UBE4B: variants seen among roughly 807,000 people sequenced by gnomAD.
UBE4B encodes the protein ubiquitin conjugation factor E4 B.
Under a neutral mutation model 148.1 loss-of-function variants are expected in UBE4B, and 27 were observed. The observed-to-expected ratio is 0.18, with a 90% CI of 0.13 to 0.25. The LOEUF is 0.25. UBE4B is among the 10% of genes least tolerant of loss of function. The pLI is 1.00. For synonymous variants in UBE4B, 596 were observed against 619.3 expected (o/e 0.96, Z 0.56); for missense variants, 1,170 against 1,662.4 (o/e 0.70, Z 5.15).
At chr1:10,075,083 ACT>A (rs780591036) in intron 2 of UBE4B, among the ~76,000 whole-genome samples, 1 of 152,018 alleles carries the variant, frequency 6.6e-6, no homozygotes, top group Non-Finnish European at 1.5e-5. Flanking sequence ...GGATTGGCAA[ACT>A]CTTTCTGTTA....
intron 7 of UBE4B, among the ~76,000 whole-genome samples, chr1:10,107,892 G>C (rs931611034): frequency 1.3e-5 from 2 of 152,004 alleles, no homozygotes; most frequent in African/African-American, 4.8e-5. Context: ...AATTTTCAGA[G>C]TTGTCGCCTG....
chr1:10,101,709 C>T (rs1024152397), intron 4 of UBE4B, among the ~76,000 whole-genome samples: 2 of 151,810 alleles, frequency 1.3e-5, no homozygotes, highest in Non-Finnish European at 2.9e-5. Flanking sequence ...GGGTTTTCAC[C>T]GTGTTAGCCA....
At chr1:10,179,350 G>A in intron 26 of UBE4B, 66 bp from the exon 27 acceptor site, 1 of 1,577,820 alleles carries the variant, frequency 6.3e-7, no homozygotes, top group Non-Finnish European at 8.6e-7. Flanking sequence ...GGTAGAACGG[G>A]CTTTGTTTTC....
chr1:10,119,988 C>A (rs529457959), intron 9 of UBE4B, among the ~76,000 whole-genome samples: 1 of 144,622 alleles, frequency 6.9e-6, no homozygotes, highest in Non-Finnish European at 1.5e-5. Flanking sequence ...ATGTATAACA[C>A]GGTCAATTTC....
intron 2 of UBE4B, among the ~76,000 whole-genome samples, chr1:10,079,937 A>T (rs1218308118): frequency 6.6e-6 from 1 of 152,116 alleles, no homozygotes; most frequent in African/African-American, 2.4e-5. Context: ...AGAGCTAGGG[A>T]TGCAGGATGG....
At chr1:10,110,959 G>T (rs371096292) in intron 7 of UBE4B, among the ~76,000 whole-genome samples, 38 of 151,484 alleles carry the variant, frequency 2.5e-4, no homozygotes, top group African/African-American at 9.0e-4. Context: ...TCATGCCACT[G>T]CACTCCAGCC....
chr1:10,169,960 A>G (rs1015624041), intron 24 of UBE4B, among the ~76,000 whole-genome samples: 8 of 152,334 alleles, frequency 5.3e-5, no homozygotes, highest in Admixed American at 4.6e-4. Context: ...GGTCGCAGTG[A>G]GCCGAGATCA....
intron 3 of UBE4B, among the ~76,000 whole-genome samples, chr1:10,098,750 C>G (rs1644965596): frequency 6.6e-6 from 1 of 152,166 alleles, no homozygotes; most frequent in African/African-American, 2.4e-5. Flanking sequence ...GCCTGTCTTA[C>G]TCTAACTAAT....
In UBE4B at chr1:10,033,378, G is replaced by A. The variant is rs1375740058; in HGVS notation, c.-293G>A. The A allele has an allele frequency of 9.4e-6, 3 of 317,698 alleles. No individual in the cohort carries two copies. Among genetic ancestry groups the A allele is most frequent in the Middle Eastern group, 8.1e-4 (1 of 1,234 alleles). The allele number at this position is 317,698 out of a possible 1,614,324, so 19.7% of individuals were successfully genotyped here. On this transcript the variant is annotated 5_prime_UTR_variant, in exon 1 of 28. Transcript: ENST00000343090. ...AGCTGGGTAACCTGGGAAGCAGAGG[G>A]TAATAAGTGGCGCCTTAAGACAACC...
At chr1:10,151,270 G>A in intron 20 of UBE4B, 56 bp from the exon 21 acceptor site, 1 of 1,542,060 alleles carries the variant, frequency 6.5e-7, no homozygotes, top group Non-Finnish European at 8.9e-7. Flanking sequence ...CACCCAAGAT[G>A]AGTTTCTCAG....
At chr1:10,082,253 C>G (rs1295118790) in intron 2 of UBE4B, among the ~76,000 whole-genome samples, 1 of 151,980 alleles carries the variant, frequency 6.6e-6, no homozygotes, top group Non-Finnish European at 1.5e-5. Flanking sequence ...CATCCTAGTG[C>G]TTTGGGAGGT....
intron 24 of UBE4B, among the ~76,000 whole-genome samples, chr1:10,170,274 TA>T (rs1262584497): frequency 6.6e-6 from 1 of 152,216 alleles, no homozygotes; most frequent in Admixed American, 6.5e-5. Flanking sequence ...TCTGTCCTGT[TA>T]TGACTCTTTT....
chr1:10,035,893 G>GCCA lies in UBE4B; in HGVS notation c.24+2204_24+2206dup, dbSNP rs551327136. Among the ~76,000 whole-genome samples the GCCA allele has an allele frequency of 1.1e-4, 16 of 149,730 alleles. No homozygotes were observed. In the South Asian group the frequency reaches 1.7e-3, roughly 16 times the overall value. ...CGAGTAGCTGGGACTACAGGCGCCC[G>GCCA]CCACCACGCCCGGCTAATTTTTTGT... On this transcript the variant is annotated intron_variant, in intron 1 of 27. Transcript: ENST00000343090.
intron 2 of UBE4B, among the ~76,000 whole-genome samples, chr1:10,091,576 C>T (rs1011569178): frequency 1.3e-5 from 2 of 151,946 alleles, no homozygotes; most frequent in Non-Finnish European, 2.9e-5. Context: ...TCTCAAGTAG[C>T]TAAGATTACA....
chr1:10,163,686 TAAAG>T (rs749235102), intron 23 of UBE4B, among the ~76,000 whole-genome samples: 7 of 151,828 alleles, frequency 4.6e-5, no homozygotes, highest in Non-Finnish European at 1.0e-4. Flanking sequence ...AAATAAATAT[TAAAG>T]AGAGAGAGTC....
At position 10,175,399 on chromosome 1, in the gene UBE4B, C is replaced by G. The variant is rs562415201; in HGVS notation, c.3526-3245C>G. 1.3e-5 allele frequency among the ~76,000 whole-genome samples: 2 copies of G among 152,124 alleles called. 1 individual carries two copies. The highest frequency in any genetic ancestry group is 3.8e-4 in the East Asian group (2 of 5,196). On this transcript the variant is annotated intron_variant, in intron 25 of 27. Transcript: ENST00000343090. ...GGGTGCAGTGGCTCACGCCTGTAAT[C>G]CCAGCACTTTGGGAGGCCAAGGCGG... is the stretch of plus-strand genomic sequence containing the variant.
chr1:10,162,406 C>T (rs1448386004), intron 23 of UBE4B, among the ~76,000 whole-genome samples: 1 of 152,134 alleles, frequency 6.6e-6, no homozygotes, highest in Non-Finnish European at 1.5e-5. Flanking sequence ...ATCTCCTGAC[C>T]TTGTGATCCG....
At chr1:10,109,611 C>T (rs1645184141) in intron 7 of UBE4B, among the ~76,000 whole-genome samples, 2 of 151,158 alleles carry the variant, frequency 1.3e-5, no homozygotes, top group Admixed American at 6.6e-5. Flanking sequence ...TAGGGTTCTT[C>T]TAAGTAGGGT....
intron 3 of UBE4B, among the ~76,000 whole-genome samples, chr1:10,097,404 A>G (rs891913967): frequency 1.3e-5 from 2 of 152,184 alleles, no homozygotes; most frequent in African/African-American, 4.8e-5. Flanking sequence ...AAAAGGGAGA[A>G]TAGAGAGTTG....
Sources: allele counts gnomAD v4.1 joint callset (sites outside exome capture counted in the v4.1 genomes callset), GRCh38; gene constraint gnomAD v4.1.1; transcripts MANE v1.5; gene names NCBI Gene and HGNC (gene_info 2026-07-23, HGNC 2026-07-21).